Variants in CCDC102B observed in about 807,000 individuals in gnomAD.
The protein encoded by CCDC102B is coiled-coil domain-containing protein 102B.
CCDC102B carries 75 observed loss-of-function variants against 57.4 expected under a neutral mutation model. That is an observed-to-expected ratio of 1.31 (90% CI 1.08 to 1.58). The LOEUF is 1.58. Among genes scored for constraint, CCDC102B ranks in the 40% most tolerant of loss-of-function variants. The pLI is 0.00. For missense variants in CCDC102B, 636 were observed against 582.6 expected (o/e 1.09, Z -0.94); for synonymous variants, 206 against 201.9 (o/e 1.02, Z -0.17).
intron 2 of CCDC102B, among the ~76,000 whole-genome samples, chr18:68,766,892 A>G (rs186250715): frequency 2.6e-5 from 4 of 152,300 alleles, no homozygotes; most frequent in Non-Finnish European, 4.4e-5. Context: ...TTTTTGTAAG[A>G]TCTGGTACAT....
At chr18:68,960,392 ACAAAGCC>A (rs2050017716) in intron 6 of CCDC102B, among the ~76,000 whole-genome samples, 1 of 152,164 alleles carries the variant, frequency 6.6e-6, no homozygotes, top group Non-Finnish European at 1.5e-5. Context: ...ACAATGCAAG[ACAAAGCC>A]CTCTTTCCTC....
At chr18:68,811,684 G>C (rs534165859) in intron 1 of CCDC102B, among the ~76,000 whole-genome samples, 3 of 152,098 alleles carry the variant, frequency 2.0e-5, no homozygotes, top group African/African-American at 4.8e-5. Flanking sequence ...TTAAGAAAGA[G>C]GGAGTTTTCA....
At chr18:68,981,759 T>A (rs2145294564) in intron 6 of CCDC102B, among the ~76,000 whole-genome samples, 2 of 151,902 alleles carry the variant, frequency 1.3e-5, no homozygotes, top group South Asian at 4.2e-4. Flanking sequence ...TGCTCTAGAG[T>A]GAGTTGGATC....
At chr18:68,750,537 T>A (rs1334727943) in intron 2 of CCDC102B, among the ~76,000 whole-genome samples, 1 of 151,890 alleles carries the variant, frequency 6.6e-6, no homozygotes, top group African/African-American at 2.4e-5. Flanking sequence ...TAGCAAAAAA[T>A]TGAAACCAAC....
At chr18:68,775,653 A>ATTTTTTTTTTTTTTTTTTTTTTTTTTTT (rs369282225) in intron 2 of CCDC102B, among the ~76,000 whole-genome samples, 1 of 115,556 alleles carries the variant, frequency 8.7e-6, no homozygotes. Context: ...TAACTCCTGG[A>ATTTTTTTTTTTTTTTTTTTTTTTTTTTT]TTTTTTTTTT....
chr18:68,864,475 T>C (rs1254664821), intron 4 of CCDC102B, among the ~76,000 whole-genome samples: 1 of 152,012 alleles, frequency 6.6e-6, no homozygotes, highest in Non-Finnish European at 1.5e-5. Flanking sequence ...AATGATTTTT[T>C]CTTTTATTTC....
At chr18:68,848,888 A>G (rs1599561246) in intron 4 of CCDC102B, among the ~76,000 whole-genome samples, 1 of 152,240 alleles carries the variant, frequency 6.6e-6, no homozygotes. Context: ...AATACTTGCT[A>G]ACATTTAAAA....
At chr18:69,026,132 G>A (rs1023801254) in intron 7 of CCDC102B, among the ~76,000 whole-genome samples, 1 of 152,074 alleles carries the variant, frequency 6.6e-6, no homozygotes, top group Non-Finnish European at 1.5e-5. Flanking sequence ...CAGGGGCTTG[G>A]GTGAAAAGGA....
At position 69,054,628 on chromosome 18, in the gene CCDC102B, T is replaced by A; in HGVS notation, c.*491T>A. ...ATCATTCTAGAGGTGTAACAATACA[T>A]TTCTTATATAATTTTATAAGTCATT... On this transcript the variant is annotated 3_prime_UTR_variant, in exon 8 of 8. Transcript: ENST00000360242. 1.0e-6 allele frequency: 1 copy of A among 980,260 alleles called. No individual in the cohort carries two copies. Among genetic ancestry groups the A allele is most frequent in the Non-Finnish European group, 1.2e-6 (1 of 825,302 alleles). 60.7% of individuals were successfully genotyped at this position (980,260 alleles called of 1,614,324 possible). A position where few individuals can be genotyped will look rare whatever the true frequency, so the allele number is the denominator to read the frequency against.
chr18:68,879,905 A>G (rs1599623710), intron 5 of CCDC102B, among the ~76,000 whole-genome samples: 1 of 152,208 alleles, frequency 6.6e-6, no homozygotes, highest in Non-Finnish European at 1.5e-5. Flanking sequence ...CCACGTCCCC[A>G]CCAGACTCAG....
At chr18:68,834,465 T>C (rs1168176513) in intron 1 of CCDC102B, among the ~76,000 whole-genome samples, 1 of 127,222 alleles carries the variant, frequency 7.9e-6, no homozygotes, top group Non-Finnish European at 1.7e-5. Context: ...TTGCTGTGTT[T>C]CTAATTAAGA....
intron 6 of CCDC102B, among the ~76,000 whole-genome samples, chr18:68,911,491 G>T (rs1173086701): frequency 2.0e-5 from 3 of 151,830 alleles, no homozygotes; most frequent in Non-Finnish European, 2.9e-5. Context: ...GGTGGCTCAC[G>T]CCTGTAATCC....
intron 7 of CCDC102B, among the ~76,000 whole-genome samples, chr18:69,051,229 T>G (rs2052696466): frequency 6.7e-6 from 1 of 150,254 alleles, no homozygotes; most frequent in African/African-American, 2.5e-5. Flanking sequence ...ACTTATAAAA[T>G]ACATTTTATT....
rs561407613 is a variant in CCDC102B at position 69,038,775 on chromosome 18, C to T, written c.1435-15255C>T. Reference sequence around the variant, plus strand: ...ATACACAAGCATTCACACACAGACACTCTCCCCCAAATCATCTTTGTATTC... The same window carrying T: ...ATACACAAGCATTCACACACAGACATTCTCCCCCAAATCATCTTTGTATTC... On this transcript the variant is annotated intron_variant, in intron 7 of 7. Coordinates refer to ENST00000360242, the MANE Select transcript of CCDC102B (RefSeq NM_024781.3). Among the ~76,000 whole-genome samples, 5 of 152,034 alleles carry T rather than the reference C, an allele frequency of 3.3e-5. No individual in the cohort carries two copies. In the South Asian group the frequency reaches 8.3e-4, roughly 25 times the overall value.
At chr18:69,053,031 G>A (rs1364656838) in intron 7 of CCDC102B, among the ~76,000 whole-genome samples, 1 of 151,726 alleles carries the variant, frequency 6.6e-6, no homozygotes, top group Non-Finnish European at 1.5e-5. Flanking sequence ...AGAAGGTCTT[G>A]GAACCAATCT....
chr18:68,928,522 A>G (rs1213251999), intron 6 of CCDC102B, among the ~76,000 whole-genome samples: 1 of 151,832 alleles, frequency 6.6e-6, no homozygotes, highest in East Asian at 1.9e-4. Context: ...AAGCCATGCC[A>G]GATGATAAAA....
chr18:68,816,946 A>G (rs1004349546), intron 1 of CCDC102B, among the ~76,000 whole-genome samples: 1 of 152,194 alleles, frequency 6.6e-6, no homozygotes, highest in African/African-American at 2.4e-5. Flanking sequence ...TTATGCTATG[A>G]TTCACACAAC....
intron 6 of CCDC102B, among the ~76,000 whole-genome samples, chr18:68,919,773 A>G (rs906199107): frequency 2.0e-5 from 3 of 152,176 alleles, no homozygotes; most frequent in Non-Finnish European, 4.4e-5. Context: ...GTATTGAGAT[A>G]TTGTAGTTTA....
chr18:68,926,005 A>G (rs1819483907), intron 6 of CCDC102B, among the ~76,000 whole-genome samples: 1 of 151,998 alleles, frequency 6.6e-6, no homozygotes, highest in Admixed American at 6.6e-5. Flanking sequence ...TACATTTTGG[A>G]GTTTTCTCCA....
Sources: allele counts gnomAD v4.1 joint callset (sites outside exome capture counted in the v4.1 genomes callset), GRCh38; gene constraint gnomAD v4.1.1; transcripts MANE v1.5; gene names NCBI Gene and HGNC (gene_info 2026-07-23, HGNC 2026-07-21).